The following VPS53 variants were observed in gnomAD, a reference collection of about 807,000 sequenced individuals.
VPS53 encodes the protein VPS53 subunit of GARP complex.
Under a neutral mutation model 107.0 loss-of-function variants are expected in VPS53, and 70 were observed. The observed-to-expected ratio is 0.65, with a 90% CI of 0.54 to 0.80. The LOEUF (loss-of-function observed/expected upper bound fraction) is 0.80, where lower values mean the gene tolerates loss of function less well. Ranked by LOEUF, VPS53 falls within the 30% of genes least tolerant of loss-of-function variation. The pLI, the probability that VPS53 is intolerant of heterozygous loss-of-function variation, is 0.00. For synonymous variants in VPS53, 409 were observed against 393.3 expected (o/e 1.04, Z -0.47); for missense variants, 917 against 1,049.4 (o/e 0.87, Z 1.74).
chr17:569,744 C>T (rs183547113), intron 13 of VPS53, among the ~76,000 whole-genome samples: 2,021 of 151,954 alleles, frequency 0.013, 46 homozygotes, highest in African/African-American at 0.045. Flanking sequence ...CATGGTGAAA[C>T]CCCGTCTCTA....
intron 17 of VPS53, among the ~76,000 whole-genome samples, chr17:549,162 C>T (rs1293459424): frequency 1.3e-5 from 2 of 152,058 alleles, no homozygotes; most frequent in Non-Finnish European, 2.9e-5. Context: ...ACTGTTTAAC[C>T]AGCAGCAAAA....
intron 12 of VPS53, among the ~76,000 whole-genome samples, chr17:591,856 T>C (rs965320378): frequency 6.6e-5 from 10 of 152,144 alleles, no homozygotes; most frequent in Non-Finnish European, 1.5e-5. Flanking sequence ...TTCTGTTGAT[T>C]TGGGGTGGAG....
rs1908440620 is a variant in VPS53 at position 518,189 on chromosome 17, A to C, written c.*939T>G. On this transcript the variant is annotated 3_prime_UTR_variant, in exon 22 of 22. Coordinates refer to ENST00000437048, the MANE Select transcript of VPS53 (RefSeq NM_001128159.3). Reference sequence around the variant, plus strand: ...AGTGAATCAGGGTTAACGGCTTGATATGCTGCCATTCTCTGGATGCAGGAT... The same window carrying C: ...AGTGAATCAGGGTTAACGGCTTGATCTGCTGCCATTCTCTGGATGCAGGAT... 6.6e-6 allele frequency: 1 copy of C among 150,618 alleles called. No homozygotes were observed. Among genetic ancestry groups the C allele is most frequent in the Non-Finnish European group, 1.5e-5 (1 of 67,506 alleles). The allele number at this position is 150,618 out of a possible 1,614,324, so 9.3% of individuals were successfully genotyped here.
chr17:686,505 A>C (rs1188326306), intron 4 of VPS53, among the ~76,000 whole-genome samples: 1 of 152,258 alleles, frequency 6.6e-6, no homozygotes, highest in Non-Finnish European at 1.5e-5. Context: ...TCTTGAAGAC[A>C]GGACAAGAGA....
At chr17:628,316 T>C (rs1309688625) in intron 8 of VPS53, 85 bp from the exon 9 acceptor site, 1 of 1,508,634 alleles carries the variant, frequency 6.6e-7, no homozygotes, top group South Asian at 1.2e-5. Context: ...TTGTTATCTC[T>C]ACGCATTGTC....
intron 18 of VPS53, among the ~76,000 whole-genome samples, chr17:534,105 G>A (rs529384516): frequency 1.3e-5 from 2 of 152,336 alleles, no homozygotes; most frequent in East Asian, 1.9e-4. Context: ...CCCACAAAGC[G>A]CTGGGATGAC....
intron 12 of VPS53, among the ~76,000 whole-genome samples, chr17:590,347 C>T (rs923720283): frequency 6.6e-6 from 1 of 152,228 alleles, no homozygotes; most frequent in Admixed American, 6.5e-5. Flanking sequence ...ACTTCCTCTT[C>T]TCCTAACTGA....
intron 7 of VPS53, among the ~76,000 whole-genome samples, chr17:638,019 T>TA (rs940506486): frequency 1.3e-5 from 2 of 152,212 alleles, no homozygotes; most frequent in African/African-American, 4.8e-5. Flanking sequence ...AGTGGGGTGT[T>TA]AAAGTCTCCC....
chr17:527,138 C>T (rs1165049363), intron 19 of VPS53, among the ~76,000 whole-genome samples: 1 of 152,240 alleles, frequency 6.6e-6, no homozygotes, highest in Non-Finnish European at 1.5e-5. Flanking sequence ...TGCTGCCTAA[C>T]GGAAGACAGA....
Position 520,857 on chromosome 17 carries a change from T to TGCTTCACCCTCACCTACATGAGCTG in VPS53, c.2223+743_2223+744insCAGCTCATGTAGGTGAGGGTGAAGC, listed in dbSNP as rs34035787. ...CTGCTTCACCCTCACCTACATGAGC[T>TGCTTCACCCTCACCTACATGAGCTG]CTTCACCCTCACCTACATGAGCTCT... is the stretch of plus-strand genomic sequence containing the variant. On this transcript the variant is annotated intron_variant, in intron 20 of 21. Transcript: ENST00000437048. This position sits in a 1 kb window ranked among gnomAD's most constrained non-coding sequence, Gnocchi z 4.4. 7.1e-5 allele frequency among the ~76,000 whole-genome samples: 6 copies of TGCTTCACCCTCACCTACATGAGCTG among 85,024 alleles called. No individual in the cohort carries two copies. The highest frequency in any genetic ancestry group is 2.6e-4 in the Admixed American group (2 of 7,590). The allele number at this position is 85,024 out of a possible 152,430, so 55.8% of individuals were successfully genotyped here. A position where few individuals can be genotyped will look rare whatever the true frequency, so the allele number is the denominator to read the frequency against.
intron 12 of VPS53, among the ~76,000 whole-genome samples, chr17:593,274 A>T (rs1171950113): frequency 6.6e-6 from 1 of 152,144 alleles, no homozygotes; most frequent in Non-Finnish European, 1.5e-5. Flanking sequence ...CTAAAACACC[A>T]AAAGCAATGG....
chr17:591,946 T>C (rs1967682580), intron 12 of VPS53, among the ~76,000 whole-genome samples: 1 of 152,202 alleles, frequency 6.6e-6, no homozygotes, highest in Non-Finnish European at 1.5e-5. Flanking sequence ...CTGAGTATCC[T>C]TGTTGACTTT....
rs568752870 is a variant in VPS53, at chr17:551,779, C to T, written c.1866+93G>A. On this transcript the variant is annotated intron_variant, in intron 17 of 21. Coordinates refer to ENST00000437048, the MANE Select transcript of VPS53 (RefSeq NM_001128159.3). ...TCTCCTCAGCTGATCCTTTACGCTC[C>T]GATGAGCCTGGAGAAGCTACAGACA... The T allele has an allele frequency of 1.0e-4, 117 of 1,155,024 alleles. 1 individual carries two copies. The highest frequency in any genetic ancestry group is 4.9e-4 in the Admixed American group (18 of 36,722). 71.5% of individuals were successfully genotyped at this position (1,155,024 alleles called of 1,614,324 possible). A position where few individuals can be genotyped will look rare whatever the true frequency, so the allele number is the denominator to read the frequency against.
chr17:664,941 G>A (rs963594853), intron 4 of VPS53, among the ~76,000 whole-genome samples: 12 of 152,154 alleles, frequency 7.9e-5, no homozygotes, highest in East Asian at 5.8e-4. Flanking sequence ...GGAGGAGGAC[G>A]GGCTTGACAG....
chr17:612,437 A>G (rs541496421), intron 11 of VPS53, among the ~76,000 whole-genome samples: 1 of 137,266 alleles, frequency 7.3e-6, no homozygotes, highest in East Asian at 2.3e-4. Flanking sequence ...AACCTGTACA[A>G]ATATTCACAT....
intron 7 of VPS53, among the ~76,000 whole-genome samples, chr17:637,108 C>G (rs1027502609): frequency 6.6e-6 from 1 of 152,096 alleles, no homozygotes; most frequent in Non-Finnish European, 1.5e-5. Context: ...TGTTATTGGT[C>G]TATTCAGGGA....
rs115950849 is a variant in VPS53 at position 577,480 on chromosome 17, C to T, written c.1313+8790G>A. 2.2e-3 allele frequency among the ~76,000 whole-genome samples: 337 copies of T among 152,054 alleles called. 1 individual carries two copies. Among genetic ancestry groups the T allele is most frequent in the African/African-American group, 7.8e-3 (323 of 41,468 alleles). ...TCTCAGTGCATTACCAGAAAACCTC[C>T]GTCAGGACCTAATGCGGTCCCAGAG... On this transcript the variant is annotated intron_variant, in intron 13 of 21. Coordinates refer to ENST00000437048, the MANE Select transcript of VPS53 (RefSeq NM_001128159.3).
intron 7 of VPS53, among the ~76,000 whole-genome samples, chr17:639,466 T>TG: frequency 6.6e-6 from 1 of 152,096 alleles, no homozygotes; most frequent in Non-Finnish European, 1.5e-5. Flanking sequence ...GCGAGGTGCT[T>TG]TGTTCCTTTG....
At chr17:610,753 TAAAA>T (rs34089454) in intron 11 of VPS53, among the ~76,000 whole-genome samples, 1 of 128,896 alleles carries the variant, frequency 7.8e-6, no homozygotes, top group Non-Finnish European at 1.6e-5. Flanking sequence ...CCGCCTCTAC[TAAAA>T]AAAAAAAAAA....
Sources: gnomAD v4.1 joint callset for allele counts (sites outside exome capture counted in the v4.1 genomes callset) on GRCh38, gnomAD v4.1.1 for gene constraint, Gnocchi (gnomAD v3.1) non-coding constraint, MANE v1.5 for transcripts, NCBI Gene and HGNC (gene_info 2026-07-23, HGNC 2026-07-21) for gene names.